Variants in NPFFR2 observed in about 807,000 individuals in gnomAD.
The protein encoded by NPFFR2 is G-protein coupled receptor 74.
A neutral mutation model predicts 13.1 loss-of-function variants in NPFFR2; 15 were observed. The ratio of observed to expected loss-of-function variants is 1.15; its 90% CI spans 0.77 to 1.76. The LOEUF (loss-of-function observed/expected upper bound fraction) is 1.76, where lower values mean the gene tolerates loss of function less well. Ranked by LOEUF, NPFFR2 falls within the 40% of genes most tolerant of loss-of-function variation. The pLI, the probability that NPFFR2 is intolerant of heterozygous loss-of-function variation, is 0.00. For synonymous variants in NPFFR2, 190 were observed against 175.7 expected (o/e 1.08, Z -0.65); for missense variants, 572 against 503.5 (o/e 1.14, Z -1.30).
At chr4:72,119,004 G>T (rs944406765) in intron 1 of NPFFR2, among the ~76,000 whole-genome samples, 1 of 152,090 alleles carries the variant, frequency 6.6e-6, no homozygotes, top group South Asian at 2.1e-4. Flanking sequence ...CTTCTGACAT[G>T]AAGGAAGTAC....
intron 1 of NPFFR2, among the ~76,000 whole-genome samples, chr4:72,035,024 A>G (rs1719009462): frequency 6.6e-6 from 1 of 152,226 alleles, no homozygotes; most frequent in South Asian, 2.1e-4. Flanking sequence ...AGATTCCTCA[A>G]ACGTAAAAGG....
intron 1 of NPFFR2, among the ~76,000 whole-genome samples, chr4:72,080,250 C>T (rs1720574103): frequency 6.6e-6 from 1 of 151,942 alleles, no homozygotes; most frequent in Non-Finnish European, 1.5e-5. Flanking sequence ...CTGCAACCTC[C>T]ACCTCCCGGG....
chr4:72,067,468 G>T (rs560157913), intron 1 of NPFFR2, among the ~76,000 whole-genome samples: 6 of 152,166 alleles, frequency 3.9e-5, no homozygotes, highest in South Asian at 2.1e-4. Context: ...ATAATACCTG[G>T]CTTCCTTCTA....
At chr4:72,044,945 G>A (rs969600197) in intron 1 of NPFFR2, among the ~76,000 whole-genome samples, 1 of 151,964 alleles carries the variant, frequency 6.6e-6, no homozygotes, top group Non-Finnish European at 1.5e-5. Context: ...CTGTGTTGAG[G>A]TCTTAGCCAT....
At position 72,117,944 on chromosome 4, in the gene NPFFR2, G is replaced by A. The variant is rs546913373; in HGVS notation, c.-7-10641G>A. On this transcript the variant is annotated intron_variant, in intron 1 of 3. Coordinates refer to ENST00000308744, the MANE Select transcript of NPFFR2 (RefSeq NM_004885.3). ...TAGCCCTAAACACAATATGAGTAAG[G>A]TAACAAAAAAGTAACCTGAGATATA... is the stretch of plus-strand genomic sequence containing the variant. Among the ~76,000 whole-genome samples the A allele has an allele frequency of 4.6e-5, 7 of 152,046 alleles. No individual in the cohort carries two copies. The South Asian group carries it at 1.5e-3, about 32-fold the overall frequency.
At chr4:72,061,202 TTC>T (rs1421373320) in intron 1 of NPFFR2, among the ~76,000 whole-genome samples, 1 of 152,164 alleles carries the variant, frequency 6.6e-6, no homozygotes, top group Non-Finnish European at 1.5e-5. Flanking sequence ...GTGAAACACT[TTC>T]TATCTGCTGA....
At chr4:72,094,728 C>T (rs923947872) in intron 1 of NPFFR2, among the ~76,000 whole-genome samples, 8 of 152,276 alleles carry the variant, frequency 5.3e-5, no homozygotes, top group African/African-American at 1.9e-4. Flanking sequence ...GAACTTACCC[C>T]AGGTTACAAG....
At chr4:72,055,622 C>T (rs62321514) in intron 1 of NPFFR2, among the ~76,000 whole-genome samples, 5,985 of 151,990 alleles carry the variant, frequency 0.039, 180 homozygotes, top group Non-Finnish European at 0.055. Context: ...AATAATTAAG[C>T]TTAGTGAGGA....
chr4:72,129,047 G>A, intron 2 of NPFFR2, 128 bp downstream of exon 2: 1 of 688,814 alleles, frequency 1.5e-6, no homozygotes, highest in East Asian at 2.7e-5. Context: ...AACTGATCCA[G>A]GCACCTGCCC....
chr4:72,132,220 G>A (rs1200205883), intron 2 of NPFFR2, among the ~76,000 whole-genome samples: 2 of 151,364 alleles, frequency 1.3e-5, no homozygotes, highest in South Asian at 2.1e-4. Context: ...CTCATCATTA[G>A]CTCCCACATA....
intron 3 of NPFFR2, among the ~76,000 whole-genome samples, chr4:72,140,785 T>A (rs1386137520): frequency 6.6e-6 from 1 of 152,152 alleles, no homozygotes; most frequent in East Asian, 1.9e-4. Context: ...ATAAAATGAG[T>A]TAAAGAGGAT....
At chr4:72,077,259 G>A (rs549693095) in intron 1 of NPFFR2, among the ~76,000 whole-genome samples, 12 of 152,068 alleles carry the variant, frequency 7.9e-5, no homozygotes, top group African/African-American at 2.7e-4. Flanking sequence ...GGGGATTTTT[G>A]TTGGCTGGCA....
At chr4:72,129,241 C>T (rs1722162478) in intron 2 of NPFFR2, among the ~76,000 whole-genome samples, 1 of 151,666 alleles carries the variant, frequency 6.6e-6, no homozygotes, top group Admixed American at 6.6e-5. Context: ...GTGGGTTGCC[C>T]CTACACACCT....
intron 1 of NPFFR2, among the ~76,000 whole-genome samples, chr4:72,040,256 T>C (rs912324231): frequency 1.6e-4 from 25 of 152,186 alleles, no homozygotes; most frequent in African/African-American, 4.6e-4. Context: ...TGTAGTCTTC[T>C]AGATTTTACT....
At position 72,129,134 on chromosome 4, in the gene NPFFR2, A is replaced by G. The variant is rs150781721; in HGVS notation, c.328+215A>G. Among the ~76,000 whole-genome samples, 678 of 152,338 alleles carry G rather than the reference A, an allele frequency of 4.5e-3. 3 individuals carry two copies. Among genetic ancestry groups the G allele is most frequent in the African/African-American group, 0.016 (652 of 41,578 alleles). ...GAGAATGAGAAGGATTCTGAAGGAA[A>G]GTAAAAGTGATATAATAGAAACAGA... On this transcript the variant is annotated intron_variant, in intron 2 of 3. Transcript: ENST00000308744.
At position 72,128,630 on chromosome 4, in the gene NPFFR2, G is replaced by T. The variant is rs1474552608; in HGVS notation, c.39G>T (p.Trp13Cys). ...GGGACACAAACTCTTCAGAAAACTG[G>T]CATCCCATCTGGAATGTCAATGACA... is the stretch of plus-strand genomic sequence containing the variant. ...EKWDTNSSEN[W>C]HPIWNVNDTK... The change falls in exon 2 of 4, where the codon TGG becomes TGT. Residue 13 changes from tryptophan to cysteine, a missense_variant. Transcript: ENST00000308744. 2 of 1,611,508 alleles carry T rather than the reference G, an allele frequency of 1.2e-6. No individual in the cohort carries two copies. The highest frequency in any genetic ancestry group is 1.7e-6 in the Non-Finnish European group (2 of 1,178,010).
intron 1 of NPFFR2, among the ~76,000 whole-genome samples, chr4:72,098,966 G>A (rs1721149874): frequency 6.6e-6 from 1 of 152,136 alleles, no homozygotes; most frequent in East Asian, 1.9e-4. Flanking sequence ...AAAACAAATG[G>A]TCTGATTAGC....
intron 1 of NPFFR2, among the ~76,000 whole-genome samples, chr4:72,069,637 A>G (rs1261822589): frequency 6.6e-6 from 1 of 152,160 alleles, no homozygotes; most frequent in African/African-American, 2.4e-5. Flanking sequence ...GACAAAAGAT[A>G]TAATAAAGTC....
intron 1 of NPFFR2, among the ~76,000 whole-genome samples, chr4:72,108,320 G>A (rs1344922918): frequency 6.6e-6 from 1 of 151,980 alleles, no homozygotes; most frequent in Non-Finnish European, 1.5e-5. Context: ...AATATCATTA[G>A]TCTACCTTGT....
Sources: allele counts gnomAD v4.1 joint callset (sites outside exome capture counted in the v4.1 genomes callset), GRCh38; gene constraint gnomAD v4.1.1; transcripts MANE v1.5; gene names NCBI Gene and HGNC (gene_info 2026-07-23, HGNC 2026-07-21).